DUSP16: variants seen among roughly 807,000 people sequenced by gnomAD.
The protein encoded by DUSP16 is dual specificity phosphatase 16, also known as dual specificity protein phosphatase 16.
Under a neutral mutation model 58.3 loss-of-function variants are expected in DUSP16, and 21 were observed. The ratio of observed to expected loss-of-function variants is 0.36; its 90% CI spans 0.26 to 0.52. The LOEUF (loss-of-function observed/expected upper bound fraction) is 0.52. DUSP16 is among the 20% of genes least tolerant of loss of function. The pLI is 0.94. For synonymous variants in DUSP16, 320 were observed against 323.8 expected (o/e 0.99, Z 0.12); for missense variants, 726 against 819.0 (o/e 0.89, Z 1.39).
intron 3 of DUSP16, among the ~76,000 whole-genome samples, chr12:12,513,161 C>A (rs1944102342): frequency 6.6e-6 from 1 of 152,162 alleles, no homozygotes; most frequent in Admixed American, 6.5e-5. Flanking sequence ...GGCCTTTAAC[C>A]ATAGCAAACA....
chr12:12,558,803 G>A (rs1440708122), intron 1 of DUSP16, among the ~76,000 whole-genome samples: 1 of 151,960 alleles, frequency 6.6e-6, no homozygotes, highest in Non-Finnish European at 1.5e-5. Flanking sequence ...GGTATCAGAG[G>A]GCATTTTTCC....
At chr12:12,544,878 C>T (rs1322997470) in intron 1 of DUSP16, among the ~76,000 whole-genome samples, 3 of 152,136 alleles carry the variant, frequency 2.0e-5, no homozygotes, top group African/African-American at 4.8e-5. Flanking sequence ...GATCATTTAT[C>T]GAAAGATCTT....
intron 1 of DUSP16, among the ~76,000 whole-genome samples, chr12:12,538,410 G>A (rs1944502866): frequency 1.3e-5 from 2 of 152,176 alleles, no homozygotes; most frequent in Non-Finnish European, 2.9e-5. Flanking sequence ...TCTAGTGCAT[G>A]TCTTCTGGCA....
chr12:12,530,477 G>A (rs1270107143), intron 1 of DUSP16, among the ~76,000 whole-genome samples: 1 of 152,162 alleles, frequency 6.6e-6, no homozygotes, highest in Non-Finnish European at 1.5e-5. Context: ...TCTGTTGACT[G>A]TTTCCCTTGC....
intron 1 of DUSP16, among the ~76,000 whole-genome samples, chr12:12,561,282 T>C (rs182218010): frequency 6.6e-6 from 1 of 152,312 alleles, no homozygotes. Flanking sequence ...CACCCACGAC[T>C]TCAAAACGCC....
rs552837362 is a variant in DUSP16, at chr12:12,475,071, T to C, written c.*1762A>G. 6.6e-6 allele frequency: 1 copy of C among 152,288 alleles called. No homozygotes were observed. The highest frequency in any genetic ancestry group is 1.9e-4 in the East Asian group (1 of 5,186). The allele number at this position is 152,288 out of a possible 1,614,324, so 9.4% of individuals were successfully genotyped here. A position where few individuals can be genotyped will look rare whatever the true frequency, so the allele number is the denominator to read the frequency against. ...AACCAAGTCGGTCTGTGTTGAGTCA[T>C]ATCATTCTGTGCTGGTTTTAGAAGT... is the stretch of plus-strand genomic sequence containing the variant. On this transcript the variant is annotated 3_prime_UTR_variant, in exon 7 of 7. Transcript: ENST00000298573.
At chr12:12,535,385 A>C (rs1442728591) in intron 1 of DUSP16, among the ~76,000 whole-genome samples, 1 of 152,210 alleles carries the variant, frequency 6.6e-6, no homozygotes, top group African/African-American at 2.4e-5. Context: ...TCTACAAATC[A>C]AAGTTTGAGA....
chr12:12,550,919 A>G (rs1592212809), intron 1 of DUSP16, among the ~76,000 whole-genome samples: 1 of 152,176 alleles, frequency 6.6e-6, no homozygotes, highest in East Asian at 1.9e-4. Context: ...TCACTTAACA[A>G]CATCCTTGAT....
At chr12:12,533,332 G>A (rs1944418386) in intron 1 of DUSP16, among the ~76,000 whole-genome samples, 1 of 152,214 alleles carries the variant, frequency 6.6e-6, no homozygotes, top group Admixed American at 6.5e-5. Context: ...ACTTGGAAAA[G>A]TGCAAATTCC....
At chr12:12,525,174 T>A (rs1283534115) in intron 1 of DUSP16, among the ~76,000 whole-genome samples, 1 of 152,246 alleles carries the variant, frequency 6.6e-6, no homozygotes, top group African/African-American at 2.4e-5. Context: ...TACTTGAATC[T>A]CATTTTTTTC....
At chr12:12,541,680 A>G (rs1276718238) in intron 1 of DUSP16, among the ~76,000 whole-genome samples, 1 of 152,238 alleles carries the variant, frequency 6.6e-6, no homozygotes, top group Non-Finnish European at 1.5e-5. Flanking sequence ...CTCTGTCTAC[A>G]TGTGTTCCAC....
intron 1 of DUSP16, among the ~76,000 whole-genome samples, chr12:12,549,371 C>T (rs922414517): frequency 2.0e-5 from 3 of 152,118 alleles, no homozygotes; most frequent in Admixed American, 6.6e-5. Flanking sequence ...CACCCACCCC[C>T]GCACTTCCCT....
intron 3 of DUSP16, among the ~76,000 whole-genome samples, chr12:12,506,546 T>G (rs1821366564): frequency 6.6e-6 from 1 of 152,184 alleles, no homozygotes; most frequent in Admixed American, 6.5e-5. Flanking sequence ...TTTCTCCTAT[T>G]CCTAATTTTA....
chr12:12,483,335 A>G (rs1439577876), intron 5 of DUSP16, among the ~76,000 whole-genome samples: 1 of 152,216 alleles, frequency 6.6e-6, no homozygotes, highest in Non-Finnish European at 1.5e-5. Context: ...GGTACTTTAC[A>G]AGGTGTTCAA....
Position 12,537,857 on chromosome 12 carries a change from G to C in DUSP16, c.-365-16394C>G, listed in dbSNP as rs1449116867. 3.9e-5 allele frequency among the ~76,000 whole-genome samples: 6 copies of C among 152,050 alleles called. No homozygotes were observed. In the South Asian group the frequency reaches 8.3e-4, roughly 21 times the overall value. ...AATAGTGTTCATTCTTCTAATTCTG[G>C]GGTGTGGATCTTAGCTAATCTATAA... On this transcript the variant is annotated intron_variant, in intron 1 of 6. Coordinates refer to ENST00000298573, the MANE Select transcript of DUSP16 (RefSeq NM_030640.3).
intron 5 of DUSP16, among the ~76,000 whole-genome samples, chr12:12,482,692 G>T (rs1269203234): frequency 6.6e-6 from 1 of 152,198 alleles, no homozygotes; most frequent in Non-Finnish European, 1.5e-5. Context: ...GGTGTTTGAG[G>T]GTGGTGGGAA....
At chr12:12,494,503 T>C (rs1000902192) in intron 4 of DUSP16, among the ~76,000 whole-genome samples, 3 of 152,062 alleles carry the variant, frequency 2.0e-5, no homozygotes, top group African/African-American at 7.3e-5. Context: ...CCGATGAATA[T>C]AATGTAGCAG....
At position 12,476,092 on chromosome 12, in the gene DUSP16, C is replaced by CCAT. The variant is rs1383718912; in HGVS notation, c.*738_*740dup. ...AGCTGAGAAGAAAAAAAAATTATCTCCATCTAGGCCCACGGGAATTTTGTG... is the reference window on the plus strand; with the variant it reads ...AGCTGAGAAGAAAAAAAAATTATCTCCATCATCTAGGCCCACGGGAATTTTGTG... On this transcript the variant is annotated 3_prime_UTR_variant, in exon 7 of 7. Coordinates refer to ENST00000298573, the MANE Select transcript of DUSP16 (RefSeq NM_030640.3). 1 of 152,528 alleles carries CCAT rather than the reference C, an allele frequency of 6.6e-6. No individual in the cohort carries two copies. Among genetic ancestry groups the CCAT allele is most frequent in the African/African-American group, 2.4e-5 (1 of 41,424 alleles). 9.4% of individuals were successfully genotyped at this position (152,528 alleles called of 1,614,324 possible). A position where few individuals can be genotyped will look rare whatever the true frequency, so the allele number is the denominator to read the frequency against.
At chr12:12,544,804 G>C (rs766843508) in intron 1 of DUSP16, among the ~76,000 whole-genome samples, 3 of 152,150 alleles carry the variant, frequency 2.0e-5, no homozygotes, top group Non-Finnish European at 2.9e-5. Flanking sequence ...TTTTGTAAGT[G>C]ATGGCAAGCA....
Sources: gnomAD v4.1 joint callset for allele counts (sites outside exome capture counted in the v4.1 genomes callset) on GRCh38, gnomAD v4.1.1 for gene constraint, MANE v1.5 for transcripts, NCBI Gene and HGNC (gene_info 2026-07-23, HGNC 2026-07-21) for gene names.